The following CDYL2 variants were observed in gnomAD, a reference collection of about 807,000 sequenced individuals.
CDYL2 encodes chromodomain Y like 2.
Under a neutral mutation model 49.4 loss-of-function variants are expected in CDYL2, and 23 were observed. The observed-to-expected ratio is 0.47, with a 90% CI of 0.34 to 0.66. The LOEUF (loss-of-function observed/expected upper bound fraction) is 0.66, where lower values mean the gene tolerates loss of function less well. CDYL2 is among the 30% of genes least tolerant of loss of function. The pLI, the probability that CDYL2 is intolerant of heterozygous loss-of-function variation, is 0.01. For synonymous variants in CDYL2, 360 were observed against 268.8 expected (o/e 1.34, Z -3.32); for missense variants, 678 against 656.4 (o/e 1.03, Z -0.36).
At chr16:80,771,771 T>C (rs1404076496) in intron 1 of CDYL2, among the ~76,000 whole-genome samples, 1 of 152,010 alleles carries the variant, frequency 6.6e-6, no homozygotes, top group East Asian at 1.9e-4. Context: ...AGCAGATTTC[T>C]AGAAGTAAAA....
intron 1 of CDYL2, among the ~76,000 whole-genome samples, chr16:80,759,395 T>C (rs1018868332): frequency 3.9e-5 from 6 of 152,134 alleles, no homozygotes; most frequent in Non-Finnish European, 7.4e-5. Context: ...TCCTAAGCAA[T>C]GTGATTTTTT....
chr16:80,609,874 C>A (rs1004391920), intron 5 of CDYL2, among the ~76,000 whole-genome samples: 6 of 152,108 alleles, frequency 3.9e-5, no homozygotes. Context: ...ACAACCCACT[C>A]TAGAGCTAAG....
chr16:80,681,236 C>G (rs572111262), intron 2 of CDYL2, among the ~76,000 whole-genome samples: 4 of 152,052 alleles, frequency 2.6e-5, no homozygotes, highest in Non-Finnish European at 5.9e-5. Context: ...CAGCCAGGAT[C>G]CCCCAACCCC....
rs767456197 is a variant in CDYL2 at position 80,612,823 on chromosome 16, C to A, written c.1021G>T (p.Ala341Ser). The change falls in exon 5 of 7, where the codon GCC becomes TCC. Residue 341 changes from alanine to serine, a missense_variant. This residue lies in a region of CDYL2 where 47 missense variants were observed against 78.8 expected (regional missense o/e 0.60). Transcript: ENST00000570137. This position sits in a 1 kb window ranked among gnomAD's most constrained non-coding sequence, Gnocchi z 5.0. ...IAEAIRDFVK[A>S]FIQFKKPIVV... is the part of the protein sequence containing the mutation. The stretch of plus-strand genomic sequence containing the variant: ...ATAGGCTTCTTAAACTGGATAAAGG[C>A]CTTCACAAAGTCCCTGGGAGAGAAA... 2.5e-6 allele frequency: 4 copies of A among 1,611,376 alleles called. No individual in the cohort carries two copies. The highest frequency in any genetic ancestry group is 3.4e-6 in the Non-Finnish European group (4 of 1,178,598).
At chr16:80,655,280 TCTC>T (rs1408909927) in intron 2 of CDYL2, among the ~76,000 whole-genome samples, 2 of 152,224 alleles carry the variant, frequency 1.3e-5, no homozygotes, top group Non-Finnish European at 2.9e-5. Flanking sequence ...GAGCCAGCCA[TCTC>T]CTCATTTTAT....
At chr16:80,721,505 C>T (rs1904997332) in intron 1 of CDYL2, among the ~76,000 whole-genome samples, 2 of 152,148 alleles carry the variant, frequency 1.3e-5, no homozygotes, top group Non-Finnish European at 2.9e-5. Flanking sequence ...CATGACTCTC[C>T]AAACTGCTTC....
chr16:80,637,225 TA>T (rs11314924), intron 2 of CDYL2, among the ~76,000 whole-genome samples: 133,911 of 151,462 alleles, frequency 0.88, 59,604 homozygotes, highest in Middle Eastern at 0.96. Flanking sequence ...AGCACAAACT[TA>T]AAAAAAAAAG....
At chr16:80,709,929 AT>A (rs11358998) in intron 1 of CDYL2, among the ~76,000 whole-genome samples, 23,604 of 140,938 alleles carry the variant, frequency 0.17, 3,367 homozygotes, top group African/African-American at 0.39. Flanking sequence ...CAGCAGGCTG[AT>A]TTTTTTTTTT....
At chr16:80,710,234 C>T (rs1266323757) in intron 1 of CDYL2, among the ~76,000 whole-genome samples, 5 of 152,036 alleles carry the variant, frequency 3.3e-5, no homozygotes, top group Non-Finnish European at 7.4e-5. Context: ...GCCTGGCAGG[C>T]TGATTTTTAA....
At chr16:80,728,139 A>C (rs1400988088) in intron 1 of CDYL2, among the ~76,000 whole-genome samples, 3 of 152,198 alleles carry the variant, frequency 2.0e-5, no homozygotes, top group Non-Finnish European at 4.4e-5. Flanking sequence ...GCTTCAGACG[A>C]TCAAACTACA....
intron 1 of CDYL2, among the ~76,000 whole-genome samples, chr16:80,764,754 T>A (rs930162315): frequency 6.6e-6 from 1 of 151,980 alleles, no homozygotes; most frequent in African/African-American, 2.4e-5. Flanking sequence ...ACTGATAATA[T>A]GGAATAGAAA....
At chr16:80,651,097 T>G (rs1314535525) in intron 2 of CDYL2, among the ~76,000 whole-genome samples, 1 of 152,152 alleles carries the variant, frequency 6.6e-6, no homozygotes, top group African/African-American at 2.4e-5. Flanking sequence ...TTAAAATAAC[T>G]AAAAGAGTGT....
chr16:80,685,796 G>A (rs145085635), intron 1 of CDYL2, among the ~76,000 whole-genome samples: 1 of 152,206 alleles, frequency 6.6e-6, no homozygotes, highest in African/African-American at 2.4e-5. Flanking sequence ...GGTAAGGGCA[G>A]AACTGGGGTT....
At chr16:80,627,848 T>G (rs946751872) in intron 3 of CDYL2, 2 of 152,244 alleles carry the variant, frequency 1.3e-5, no homozygotes, top group Admixed American at 6.5e-5. Context: ...ATTGCCCTCA[T>G]TATGCACTTC....
chr16:80,794,856 G>T (rs543795134), intron 1 of CDYL2, among the ~76,000 whole-genome samples: 1 of 151,852 alleles, frequency 6.6e-6, no homozygotes, highest in Non-Finnish European at 1.5e-5. Flanking sequence ...CAGGTGATCC[G>T]CCCATCTTGG....
chr16:80,773,150 T>C lies in CDYL2; in HGVS notation c.24+31000A>G, dbSNP rs1032096284. On this transcript the variant is annotated intron_variant, in intron 1 of 6. Coordinates refer to ENST00000570137, the MANE Select transcript of CDYL2 (RefSeq NM_152342.4). ...CAAATTTTATTAAAAGAATATGATGTAGCTGTACTAATATCAGATATTTTT... is the reference window on the plus strand; with the variant it reads ...CAAATTTTATTAAAAGAATATGATGCAGCTGTACTAATATCAGATATTTTT... 9.9e-5 allele frequency among the ~76,000 whole-genome samples: 15 copies of C among 152,168 alleles called. No homozygotes were observed. In the South Asian group the frequency reaches 1.0e-3, roughly 10 times the overall value.
At position 80,773,273 on chromosome 16, in the gene CDYL2, C is replaced by T. The variant is rs543110382; in HGVS notation, c.24+30877G>A. Reference sequence around the variant, plus strand: ...CACAGAAAAGTTATAATTGTGTATGCACTTAATATCATAAAATATATAATG... The same window carrying T: ...CACAGAAAAGTTATAATTGTGTATGTACTTAATATCATAAAATATATAATG... On this transcript the variant is annotated intron_variant, in intron 1 of 6. Transcript: ENST00000570137. Among the ~76,000 whole-genome samples, 5 of 152,146 alleles carry T rather than the reference C, an allele frequency of 3.3e-5. No homozygotes were observed. In the South Asian group the frequency reaches 1.0e-3, roughly 32 times the overall value.
intron 4 of CDYL2, among the ~76,000 whole-genome samples, chr16:80,615,248 C>T (rs181925543): frequency 7.9e-4 from 120 of 152,214 alleles, no homozygotes; most frequent in African/African-American, 2.7e-3. Context: ...GTGAGGTTTT[C>T]GGTTAGGTCA....
At chr16:80,613,587 T>C (rs73590425) in intron 4 of CDYL2, among the ~76,000 whole-genome samples, 1 of 152,166 alleles carries the variant, frequency 6.6e-6, no homozygotes, top group Admixed American at 6.5e-5. Context: ...GCTACAAGAC[T>C]GGGCAATATT....
Sources: allele counts gnomAD v4.1 joint callset (sites outside exome capture counted in the v4.1 genomes callset), GRCh38; gene constraint gnomAD v4.1.1; regional missense constraint gnomAD v4.1.1; non-coding constraint Gnocchi (gnomAD v3.1); transcripts MANE v1.5; gene names NCBI Gene and HGNC (gene_info 2026-07-23, HGNC 2026-07-21).